The following WASF1 variants were observed in gnomAD, a reference collection of about 807,000 sequenced individuals.
WASF1 encodes actin-binding protein WASF1.
Under a neutral mutation model 50.5 loss-of-function variants are expected in WASF1, and 7 were observed. That is an observed-to-expected ratio of 0.14 (90% CI 0.08 to 0.26). The LOEUF is 0.26. Among genes scored for constraint, WASF1 ranks in the 10% least tolerant of loss-of-function variants. The pLI, the probability that WASF1 is intolerant of heterozygous loss-of-function variation, is 1.00. For missense variants in WASF1, 470 were observed against 694.7 expected (o/e 0.68, Z 3.64); for synonymous variants, 205 against 244.0 (o/e 0.84, Z 1.49).
chr6:110,113,352 G>A lies in WASF1; in HGVS notation c.242C>T (p.Thr81Ile). ...TTCTTCTTCCTTTGGATCAAGCTGTGTAACACTAACAGATAAACGGTCCAC... is the reference window on the plus strand; with the variant it reads ...TTCTTCTTCCTTTGGATCAAGCTGTATAACACTAACAGATAAACGGTCCAC... ...ERVDRLSVSV[T>I]QLDPKEEELS... The change falls in exon 5 of 11, where the codon ACA becomes ATA. Residue 81 changes from threonine (T) to isoleucine (I), a missense_variant. By Grantham distance (89) the Thr-to-Ile change is moderately conservative. Coordinates refer to ENST00000392589, the MANE Select transcript of WASF1 (RefSeq NM_003931.3). The A allele has an allele frequency of 6.3e-7, 1 of 1,596,188 alleles. No homozygotes were observed. The highest frequency in any genetic ancestry group is 1.3e-5 in the African/African-American group (1 of 74,196).
At position 110,147,363 on chromosome 6, in the gene WASF1, A is replaced by AT. The variant is rs1554203276; in HGVS notation, c.-29+13271dup. 2.4e-3 allele frequency among the ~76,000 whole-genome samples: 370 copies of AT among 151,150 alleles called. 2 individuals carry two copies. The highest frequency in any genetic ancestry group is 8.1e-3 in the African/African-American group (333 of 41,006). ...TCCGTCTCAAAAAAAAAAAAAAAAAATTATGTCACCTGAAGTCACAATAGC... is the reference window on the plus strand; with the variant it reads ...TCCGTCTCAAAAAAAAAAAAAAAAAATTTATGTCACCTGAAGTCACAATAGC... On this transcript the variant is annotated intron_variant, in intron 3 of 10. Transcript: ENST00000392589.
chr6:110,147,955 C>T (rs1288930049), intron 3 of WASF1, among the ~76,000 whole-genome samples: 3 of 152,074 alleles, frequency 2.0e-5, no homozygotes, highest in Non-Finnish European at 2.9e-5. Context: ...CCATGTTGCC[C>T]GGGCTGGCCT....
intron 3 of WASF1, among the ~76,000 whole-genome samples, chr6:110,133,071 TGTAAG>T (rs1168285765): frequency 6.6e-6 from 1 of 151,434 alleles, no homozygotes; most frequent in Admixed American, 6.5e-5. Context: ...TATGACTGTA[TGTAAG>T]GTAACTCCAG....
chr6:110,112,083 T>C (rs1044072059), intron 5 of WASF1, among the ~76,000 whole-genome samples: 14 of 151,406 alleles, frequency 9.2e-5, no homozygotes, highest in Non-Finnish European at 1.9e-4. Context: ...TTGGATTATT[T>C]CAAAAGTAGC....
At chr6:110,150,690 A>G (rs1775783573) in intron 3 of WASF1, among the ~76,000 whole-genome samples, 1 of 152,230 alleles carries the variant, frequency 6.6e-6, no homozygotes, top group Non-Finnish European at 1.5e-5. Flanking sequence ...AAAGCAATCA[A>G]ATTGAAGATT....
At chr6:110,133,350 C>CTT (rs143592300) in intron 3 of WASF1, among the ~76,000 whole-genome samples, 1 of 151,912 alleles carries the variant, frequency 6.6e-6, no homozygotes, top group Non-Finnish European at 1.5e-5. Flanking sequence ...TGTACAATGA[C>CTT]TTTTTTATAG....
chr6:110,161,253 C>T (rs1776251697), intron 2 of WASF1, among the ~76,000 whole-genome samples: 1 of 151,602 alleles, frequency 6.6e-6, no homozygotes, highest in Admixed American at 6.6e-5. Context: ...TAGTGTATTA[C>T]ATTTTCTACC....
At chr6:110,111,031 CATCTT>C (rs1271973138) in intron 5 of WASF1, among the ~76,000 whole-genome samples, 1 of 152,028 alleles carries the variant, frequency 6.6e-6, no homozygotes, top group Non-Finnish European at 1.5e-5. Flanking sequence ...TTAACACAAA[CATCTT>C]AATTTATTTA....
At chr6:110,135,249 A>G (rs1390689259) in intron 3 of WASF1, among the ~76,000 whole-genome samples, 1 of 152,104 alleles carries the variant, frequency 6.6e-6, no homozygotes, top group Non-Finnish European at 1.5e-5. Flanking sequence ...GAATTCATTT[A>G]TCAGTTCTAG....
At chr6:110,163,089 C>T (rs548631085) in intron 2 of WASF1, among the ~76,000 whole-genome samples, 122 of 151,602 alleles carry the variant, frequency 8.0e-4, no homozygotes, top group African/African-American at 2.9e-3. Context: ...ATCTTAACAA[C>T]GAATACGTCA....
At chr6:110,122,254 G>C (rs560068515) in intron 4 of WASF1, among the ~76,000 whole-genome samples, 5 of 138,604 alleles carry the variant, frequency 3.6e-5, no homozygotes, top group Admixed American at 1.4e-4. Flanking sequence ...AAAAAAAAAA[G>C]AAGACATAGA....
chr6:110,162,442 C>CAA (rs546932624), intron 2 of WASF1, among the ~76,000 whole-genome samples: 7 of 68,610 alleles, frequency 1.0e-4, no homozygotes, highest in African/African-American at 2.6e-4. Context: ...AAAGACAAGG[C>CAA]AAAAAAAAAA....
At chr6:110,169,790 C>T (rs1240049307) in intron 2 of WASF1, among the ~76,000 whole-genome samples, 3 of 152,240 alleles carry the variant, frequency 2.0e-5, no homozygotes, top group African/African-American at 7.2e-5. Flanking sequence ...GAGAATCATA[C>T]TTCTTCACAG....
intron 3 of WASF1, among the ~76,000 whole-genome samples, chr6:110,153,780 T>C (rs1201906497): frequency 1.3e-5 from 2 of 150,296 alleles, no homozygotes; most frequent in African/African-American, 4.9e-5. Flanking sequence ...CACAAGATCC[T>C]GCCTCAAAAA....
chr6:110,124,492 T>C (rs918052374), intron 4 of WASF1, among the ~76,000 whole-genome samples: 1 of 151,040 alleles, frequency 6.6e-6, no homozygotes, highest in Non-Finnish European at 1.5e-5. Flanking sequence ...GTAAAAAACC[T>C]TGCATCATTA....
intron 3 of WASF1, among the ~76,000 whole-genome samples, chr6:110,154,866 T>A (rs1253417458): frequency 6.6e-6 from 1 of 152,078 alleles, no homozygotes; most frequent in Non-Finnish European, 1.5e-5. Flanking sequence ...ACTAAAAGGA[T>A]CCAAAGCCTG....
At chr6:110,169,616 C>A (rs1776612885) in intron 2 of WASF1, among the ~76,000 whole-genome samples, 6 of 152,136 alleles carry the variant, frequency 3.9e-5, no homozygotes, top group Admixed American at 3.9e-4. Context: ...ACACTCACCT[C>A]CAGTATTGCG....
chr6:110,164,748 C>T (rs1041273686), intron 2 of WASF1, among the ~76,000 whole-genome samples: 1 of 151,552 alleles, frequency 6.6e-6, no homozygotes, highest in African/African-American at 2.4e-5. Context: ...ATGTCAACAT[C>T]GATGTTTTAG....
At chr6:110,178,381 G>A in intron 2 of WASF1, among the ~76,000 whole-genome samples, 1 of 152,074 alleles carries the variant, frequency 6.6e-6, no homozygotes, top group East Asian at 1.9e-4. Context: ...ATAATGCTAT[G>A]AACAATCAGA....
Sources: gnomAD v4.1 joint callset for allele counts (sites outside exome capture counted in the v4.1 genomes callset) on GRCh38, gnomAD v4.1.1 for gene constraint, MANE v1.5 for transcripts, NCBI Gene and HGNC (gene_info 2026-07-23, HGNC 2026-07-21) for gene names.